Variants in LPIN1 observed in about 807,000 individuals in gnomAD.
LPIN1 encodes phosphatidate phosphatase LPIN1.
In LPIN1, 71 loss-of-function variants were observed where a neutral mutation model predicts 107.5. That is an observed-to-expected ratio of 0.66 (90% confidence interval 0.55 to 0.80). LPIN1 has a LOEUF of 0.80. LPIN1 is among the 30% of genes least tolerant of loss of function. The probability of loss-of-function intolerance (pLI) is 0.00; values close to 1 mark genes in which losing one functional copy is unlikely to be tolerated. For synonymous variants in LPIN1, 445 were observed against 452.6 expected (o/e 0.98, Z 0.21); for missense variants, 1,043 against 1,160.6 (o/e 0.90, Z 1.47).
intron 2 of LPIN1, among the ~76,000 whole-genome samples, chr2:11,718,465 A>T (rs1479699202): frequency 6.6e-6 from 1 of 152,162 alleles, no homozygotes; most frequent in Non-Finnish European, 1.5e-5. Flanking sequence ...TCCTGACCTC[A>T]AGTGATCTGC....
chr2:11,694,469 G>A (rs547421031), intron 1 of LPIN1, among the ~76,000 whole-genome samples: 9 of 152,146 alleles, frequency 5.9e-5, no homozygotes, highest in Admixed American at 2.6e-4. Flanking sequence ...TGCCACTTCC[G>A]TGCCCTCTGA....
In LPIN1 at chr2:11,785,095, G is replaced by A. The variant is rs1271072434; in HGVS notation, c.1549+19G>A. 12 of 1,530,300 alleles carry A rather than the reference G, an allele frequency of 7.8e-6. No individual in the cohort carries two copies. Among genetic ancestry groups the A allele is most frequent in the East Asian group, 2.3e-5 (1 of 43,538 alleles). 94.8% of individuals were successfully genotyped at this position (1,530,300 alleles called of 1,614,324 possible). ...ACGAAAGGTACCGCGGGCCTCGCGC[G>A]GGCGCCCTCTGGTGGCCGCCGGTCA... is the stretch of plus-strand genomic sequence containing the variant. On this transcript the variant is annotated intron_variant, in intron 10 of 20. Coordinates refer to ENST00000674199, the MANE Select transcript of LPIN1 (RefSeq NM_001349206.2).
intron 1 of LPIN1, among the ~76,000 whole-genome samples, chr2:11,681,955 AG>A (rs1458218310): frequency 6.6e-6 from 1 of 152,172 alleles, no homozygotes; most frequent in Non-Finnish European, 1.5e-5. Context: ...ACCCAGGGAA[AG>A]GGTCCACTTC....
Position 11,787,278 on chromosome 2 carries a change from C to T in LPIN1, c.1643+111C>T, listed in dbSNP as rs1261964700. 7 of 803,838 alleles carry T rather than the reference C, an allele frequency of 8.7e-6. No homozygotes were observed. The Admixed American group carries it at 9.9e-5, about 11-fold the overall frequency. The allele number at this position is 803,838 out of a possible 1,614,324, so 49.8% of individuals were successfully genotyped here. The stretch of plus-strand genomic sequence containing the variant: ...AGAAATATATAAAATAAAGACTTTG[C>T]TACATTGCATTATTGCATTATCTTC... On this transcript the variant is annotated intron_variant, in intron 11 of 20. Transcript: ENST00000674199.
intron 1 of LPIN1, among the ~76,000 whole-genome samples, chr2:11,750,389 A>G (rs1667613372): frequency 6.6e-6 from 1 of 152,170 alleles, no homozygotes; most frequent in Admixed American, 6.5e-5. Context: ...GGCAAATGAG[A>G]ATGTGGAATG....
intron 1 of LPIN1, among the ~76,000 whole-genome samples, chr2:11,691,109 T>C (rs903946833): frequency 1.4e-5 from 2 of 146,408 alleles, no homozygotes; most frequent in African/African-American, 5.1e-5. Flanking sequence ...TCTCTCTCCT[T>C]TAATACCCCT....
At chr2:11,760,450 C>T (rs1395327454) in intron 1 of LPIN1, among the ~76,000 whole-genome samples, 2 of 152,270 alleles carry the variant, frequency 1.3e-5, no homozygotes, top group East Asian at 1.9e-4. Context: ...GAGGCCGAGG[C>T]TGGCAGATCA....
intron 1 of LPIN1, among the ~76,000 whole-genome samples, chr2:11,693,808 ATATATATATATATATTTTTTTTTTTTTTT>A (rs1662413154): frequency 3.4e-5 from 1 of 29,448 alleles, no homozygotes; most frequent in African/African-American, 8.7e-5. Flanking sequence ...ATATATATAT[ATATATATATATATATTTTTTTTTTTTTTT>A]TTTTTTTTTT....
intron 1 of LPIN1, among the ~76,000 whole-genome samples, chr2:11,684,506 A>T (rs1423128737): frequency 2.0e-5 from 3 of 152,228 alleles, no homozygotes; most frequent in Non-Finnish European, 4.4e-5. Flanking sequence ...GAACCAGAGT[A>T]ACACAGAGCT....
In LPIN1 at chr2:11,784,870, C is replaced by CT; in HGVS notation, c.1359-12dup. The CT allele has an allele frequency of 6.2e-7, 1 of 1,613,678 alleles. No homozygotes were observed. The highest frequency in any genetic ancestry group is 8.5e-7 in the Non-Finnish European group (1 of 1,179,830). On this transcript the variant is annotated splice_polypyrimidine_tract_variant and intron_variant, in intron 9 of 20. Coordinates refer to ENST00000674199, the MANE Select transcript of LPIN1 (RefSeq NM_001349206.2). ...GACAGTCCTCAGCCGGTCTCTGCCG[C>CT]TTTTCCTCCTTCCAGCGGAGATCCT...
intron 1 of LPIN1, among the ~76,000 whole-genome samples, chr2:11,728,916 T>C (rs571556072): frequency 1.3e-5 from 2 of 152,300 alleles, no homozygotes; most frequent in South Asian, 4.1e-4. Context: ...ATGAGATGAG[T>C]AGCTTGCAAA....
At chr2:11,702,588 G>C (rs1460114747) in intron 1 of LPIN1, among the ~76,000 whole-genome samples, 1 of 152,238 alleles carries the variant, frequency 6.6e-6, no homozygotes, top group Non-Finnish European at 1.5e-5. Context: ...TGACTGACTT[G>C]TCATGGCCTA....
chr2:11,744,559 CA>C (rs1186012392), upstream of LPIN1, among the ~76,000 whole-genome samples: 5 of 152,244 alleles, frequency 3.3e-5, no homozygotes. Context: ...CTGGGCCCCC[CA>C]GCTCATCATT....
At chr2:11,726,157 C>T (rs771220310) in intron 1 of LPIN1, among the ~76,000 whole-genome samples, 9 of 152,326 alleles carry the variant, frequency 5.9e-5, no homozygotes, top group East Asian at 5.8e-4. Context: ...CTTTCTACCT[C>T]AGCTGCTGCC....
At chr2:11,780,480 A>G (rs1310398877) in intron 7 of LPIN1, among the ~76,000 whole-genome samples, 3 of 152,242 alleles carry the variant, frequency 2.0e-5, no homozygotes, top group Non-Finnish European at 4.4e-5. Context: ...ATTTCAGCCT[A>G]ATAGATAAAC....
chr2:11,776,083 C>T lies in LPIN1; in HGVS notation c.723-3C>T. ...TTAATGTGTATCACGTGGTGGTATC[C>T]AGTAGCCTGGTAGATTGCAAAAGGA... is the stretch of plus-strand genomic sequence containing the variant. On this transcript the variant is annotated splice_region_variant and splice_polypyrimidine_tract_variant and intron_variant, in intron 5 of 20. Transcript: ENST00000674199. 2.0e-6 allele frequency: 3 copies of T among 1,537,862 alleles called. No individual in the cohort carries two copies. Among genetic ancestry groups the T allele is most frequent in the Middle Eastern group, 1.7e-4 (1 of 5,926 alleles).
intron 1 of LPIN1, among the ~76,000 whole-genome samples, chr2:11,759,952 C>T (rs1392438129): frequency 2.0e-5 from 3 of 151,888 alleles, no homozygotes; most frequent in Admixed American, 1.3e-4. Flanking sequence ...AGGGGCTCCT[C>T]ACTTCTCAGA....
exon 1 of LPIN1, chr2:11,677,666 A>C: frequency 6.5e-7 from 1 of 1,535,712 alleles, no homozygotes; most frequent in Non-Finnish European, 8.7e-7. Context: ...ACAGGACGGC[A>C]TTCGCAGCTC....
chr2:11,698,015 G>A (rs4296403), intron 1 of LPIN1, among the ~76,000 whole-genome samples: 39,388 of 151,984 alleles, frequency 0.26, 8,402 homozygotes, highest in African/African-American at 0.59. Flanking sequence ...GAGTTTCACT[G>A]TCTCCAGCGC....
Sources: gnomAD v4.1 joint callset for allele counts (sites outside exome capture counted in the v4.1 genomes callset) on GRCh38, gnomAD v4.1.1 for gene constraint, MANE v1.5 for transcripts, NCBI Gene and HGNC (gene_info 2026-07-23, HGNC 2026-07-21) for gene names.